Variants in SVEP1 observed in about 807,000 individuals in gnomAD.
SVEP1 encodes sushi, von Willebrand factor type A, EGF and pentraxin domain-containing protein 1.
Under a neutral mutation model 367.3 loss-of-function variants are expected in SVEP1, and 164 were observed. The ratio of observed to expected loss-of-function variants is 0.45; its 90% CI spans 0.39 to 0.51. The LOEUF is 0.51. Among genes scored for constraint, SVEP1 ranks in the 20% least tolerant of loss-of-function variants. The pLI is 0.00. For synonymous variants in SVEP1, 1,666 were observed against 1,611.6 expected (o/e 1.03, Z -0.81); for missense variants, 4,117 against 4,425.3 (o/e 0.93, Z 1.98).
At chr9:110,443,772 C>T (rs1828549930) in intron 26 of SVEP1, 52 bp from the exon 27 acceptor site, 1 of 1,445,540 alleles carries the variant, frequency 6.9e-7, no homozygotes, top group South Asian at 1.6e-5. Flanking sequence ...ATGTTGCAAT[C>T]CTTACTGTGG....
intron 3 of SVEP1, among the ~76,000 whole-genome samples, chr9:110,535,120 A>C (rs1285310234): frequency 6.6e-6 from 1 of 152,060 alleles, no homozygotes; most frequent in African/African-American, 2.4e-5. Flanking sequence ...GGTATTGTCT[A>C]GGTTGTCTTC....
intron 42 of SVEP1, 23 bp from the exon 43 acceptor site, chr9:110,386,097 C>G: frequency 1.3e-6 from 2 of 1,596,988 alleles, no homozygotes; most frequent in Non-Finnish European, 1.7e-6. Context: ...AAAGAAAATG[C>G]TTACTGATAT....
chr9:110,549,707 T>C, intron 2 of SVEP1, 142 bp downstream of exon 2: 1 of 1,106,008 alleles, frequency 9.0e-7, no homozygotes, highest in Non-Finnish European at 1.3e-6. Context: ...GCACATTTCA[T>C]GATGCCCAAA....
chr9:110,488,303 C>A (rs544562554), intron 9 of SVEP1, among the ~76,000 whole-genome samples: 1 of 152,046 alleles, frequency 6.6e-6, no homozygotes, highest in African/African-American at 2.4e-5. Context: ...GTTTGGATTC[C>A]AGAAAAGAGA....
intron 7 of SVEP1, among the ~76,000 whole-genome samples, chr9:110,497,327 C>T (rs1829466170): frequency 6.6e-6 from 1 of 152,146 alleles, no homozygotes; most frequent in Non-Finnish European, 1.5e-5. Flanking sequence ...AGACACAGCT[C>T]CTCAGGAAGC....
intron 27 of SVEP1, 142 bp downstream of exon 27, chr9:110,443,403 T>A: frequency 1.3e-6 from 1 of 781,996 alleles, no homozygotes; most frequent in South Asian, 3.6e-5. Context: ...ACAGTTAGGA[T>A]AATCAGGGAG....
intron 20 of SVEP1, chr9:110,458,069 T>G (rs1302606904): frequency 2.2e-6 from 1 of 458,698 alleles, no homozygotes; most frequent in East Asian, 6.8e-5. Flanking sequence ...AAATCTTTTC[T>G]TTTCTGGCAA....
chr9:110,385,956 G>A lies in SVEP1; in HGVS notation c.10179C>T (p.His3393=), dbSNP rs532646767. The A allele has an allele frequency of 2.9e-5, 47 of 1,613,720 alleles. No individual in the cohort carries two copies. Among genetic ancestry groups the A allele is most frequent in the East Asian group, 1.6e-4 (7 of 44,880 alleles). The change falls in exon 43 of 48, where the codon CAC becomes CAT. Residue 3393 remains histidine, a synonymous_variant. Coordinates refer to ENST00000374469, the MANE Select transcript of SVEP1 (RefSeq NM_153366.4). ...KCREGFLLQG[H]GIITCNPDET... ...CGTCGGGGTTGCAGGTAATGATGCC[G>A]TGGCCCTGCAGCAGAAAACCTTCCC...
chr9:110,390,184 T>C lies in SVEP1; in HGVS notation c.9823-597A>G, dbSNP rs1385086041. ...ATACTTATATAAGTATGTATGTATA[T>C]ATACACTTATATAAGTATGTATGTA... is the stretch of plus-strand genomic sequence containing the variant. On this transcript the variant is annotated intron_variant, in intron 40 of 47. Coordinates refer to ENST00000374469, the MANE Select transcript of SVEP1 (RefSeq NM_153366.4). Among the ~76,000 whole-genome samples the C allele has an allele frequency of 8.8e-4, 57 of 64,732 alleles. 1 individual carries two copies. Among genetic ancestry groups the C allele is most frequent in the African/African-American group, 3.2e-3 (51 of 15,836 alleles). The allele number at this position is 64,732 out of a possible 152,430, so 42.5% of individuals were successfully genotyped here.
intron 40 of SVEP1, among the ~76,000 whole-genome samples, chr9:110,399,857 G>A (rs1410464): frequency 0.86 from 130,740 of 152,162 alleles, 56,594 homozygotes; most frequent in African/African-American, 0.97. Context: ...AAATACCATT[G>A]TAACAATAAA....
chr9:110,538,760 A>G (rs1211142393), intron 3 of SVEP1, among the ~76,000 whole-genome samples: 1 of 152,052 alleles, frequency 6.6e-6, no homozygotes, highest in Admixed American at 6.6e-5. Flanking sequence ...ACTGTCCTCA[A>G]GATGCCTGTT....
Position 110,407,592 on chromosome 9 carries a change from T to C in SVEP1, c.8008A>G (p.Thr2670Ala), listed in dbSNP as rs1827975515. The change falls in exon 38 of 48, where the codon ACA becomes GCA. Residue 2670 changes from threonine (T) to alanine (A), a missense_variant. Thr to Ala is a moderately conservative substitution (Grantham distance 58). Coordinates refer to ENST00000374469, the MANE Select transcript of SVEP1 (RefSeq NM_153366.4). ...TWENTKESPA[T>A]HSSNFLYGTM... ...CCATACAGAAAGTTTGATGAATGTG[T>C]AGCAGGAGACTCCTTTGTATTTTCC... is the stretch of plus-strand genomic sequence containing the variant. The C allele has an allele frequency of 1.9e-6, 3 of 1,613,982 alleles. No individual in the cohort carries two copies. Among genetic ancestry groups the C allele is most frequent in the East Asian group, 4.5e-5 (2 of 44,878 alleles).
rs779741128 is a variant in SVEP1, at chr9:110,407,398, G to C, written c.8202C>G (p.Ser2734Arg). ...ENGFLRFTET[S>R]MGSAVQYSCK... ...AGCTATACTGCACAGCACTTCCCATGCTAGTCTCTGTAAAACGCAAAAAGC... is the reference window on the plus strand; with the variant it reads ...AGCTATACTGCACAGCACTTCCCATCCTAGTCTCTGTAAAACGCAAAAAGC... Residue 2734 changes from serine (S) to arginine (R), a missense_variant, in exon 38 of 48, where the codon AGC becomes AGG. Physicochemically the swap from Ser to Arg is moderately radical, Grantham distance 110. Coordinates refer to ENST00000374469, the MANE Select transcript of SVEP1 (RefSeq NM_153366.4). 9.9e-6 allele frequency: 16 copies of C among 1,613,868 alleles called. No individual in the cohort carries two copies. In the Admixed American group the frequency reaches 2.7e-4, roughly 27 times the overall value.
intron 1 of SVEP1, among the ~76,000 whole-genome samples, chr9:110,576,601 A>T (rs1830630576): frequency 6.6e-6 from 1 of 152,014 alleles, no homozygotes; most frequent in Admixed American, 6.5e-5. Flanking sequence ...AAAAGAATCA[A>T]AGAGACTTCA....
chr9:110,509,641 G>A (rs1407302274), intron 5 of SVEP1, among the ~76,000 whole-genome samples: 2 of 152,114 alleles, frequency 1.3e-5, no homozygotes, highest in African/African-American at 4.8e-5. Flanking sequence ...CTCCTAAGTA[G>A]CTGGGATTAC....
At chr9:110,423,360 T>A (rs926712200) in intron 36 of SVEP1, among the ~76,000 whole-genome samples, 36 of 150,642 alleles carry the variant, frequency 2.4e-4, no homozygotes, top group Admixed American at 1.6e-3. Context: ...ATGGAAGGAG[T>A]GTGATGCAAA....
chr9:110,531,389 G>C (rs556861625), intron 3 of SVEP1, among the ~76,000 whole-genome samples: 2 of 152,248 alleles, frequency 1.3e-5, no homozygotes, highest in South Asian at 4.2e-4. Context: ...CACATGTCAT[G>C]GGAAGGACCC....
chr9:110,571,805 G>T (rs1011250310), intron 1 of SVEP1, among the ~76,000 whole-genome samples: 1 of 152,128 alleles, frequency 6.6e-6, no homozygotes, highest in Admixed American at 6.6e-5. Context: ...TGCCAGGCGG[G>T]GACTCCAGTG....
chr9:110,394,345 C>G (rs1276476643), intron 40 of SVEP1, among the ~76,000 whole-genome samples: 3 of 152,154 alleles, frequency 2.0e-5, no homozygotes, highest in Non-Finnish European at 2.9e-5. Flanking sequence ...ACCAAAAACC[C>G]ATCTGTACGT....
Sources: gnomAD v4.1 joint callset for allele counts (sites outside exome capture counted in the v4.1 genomes callset) on GRCh38, gnomAD v4.1.1 for gene constraint, MANE v1.5 for transcripts, NCBI Gene and HGNC (gene_info 2026-07-23, HGNC 2026-07-21) for gene names.